The following SCLT1 variants were observed in gnomAD, a reference collection of about 807,000 sequenced individuals.
SCLT1 encodes sodium channel-associated protein 1.
SCLT1 carries 78 observed loss-of-function variants against 112.8 expected under a neutral mutation model. The observed-to-expected ratio is 0.69, with a 90% CI of 0.58 to 0.83. The LOEUF is 0.83. Ranked by LOEUF, SCLT1 falls within the 40% of genes least tolerant of loss-of-function variation. The pLI, the probability that SCLT1 is intolerant of heterozygous loss-of-function variation, is 0.00. For synonymous variants in SCLT1, 257 were observed against 254.7 expected (o/e 1.01, Z -0.09); for missense variants, 747 against 770.4 (o/e 0.97, Z 0.36).
chr4:128,993,546 A>T (rs1452581359), intron 8 of SCLT1, among the ~76,000 whole-genome samples: 2 of 152,120 alleles, frequency 1.3e-5, no homozygotes, highest in Non-Finnish European at 2.9e-5. Context: ...CTTGCTAGCA[A>T]GCCTAGTAAG....
chr4:128,953,178 A>G (rs1738911900), intron 13 of SCLT1, among the ~76,000 whole-genome samples: 1 of 152,236 alleles, frequency 6.6e-6, no homozygotes, highest in Admixed American at 6.5e-5. Flanking sequence ...ACATTTACCT[A>G]CTAATCTCTT....
intron 18 of SCLT1, 36 bp downstream of exon 18, chr4:128,936,619 C>T: frequency 7.5e-7 from 1 of 1,331,600 alleles, no homozygotes; most frequent in Non-Finnish European, 1.0e-6. Context: ...AGAATTTCTT[C>T]TGTAAAACAT....
chr4:128,878,958 A>G (rs556464940), intron 3 of SCLT1, among the ~76,000 whole-genome samples: 50 of 151,344 alleles, frequency 3.3e-4, no homozygotes, highest in African/African-American at 9.9e-4. Flanking sequence ...CCAGTCAGAA[A>G]GGGAATTAAA....
At chr4:128,989,899 A>G (rs1490263930) in intron 9 of SCLT1, among the ~76,000 whole-genome samples, 4 of 151,950 alleles carry the variant, frequency 2.6e-5, no homozygotes, top group Admixed American at 2.0e-4. Context: ...AGATTTAACC[A>G]TGAAGAAATA....
intron 5 of SCLT1, among the ~76,000 whole-genome samples, chr4:129,018,114 C>T (rs1211853242): frequency 6.6e-6 from 1 of 152,266 alleles, no homozygotes; most frequent in African/African-American, 2.4e-5. Context: ...GTTGGCTCTA[C>T]AGCCATACTA....
chr4:128,955,385 C>T (rs1420504131), intron 13 of SCLT1, among the ~76,000 whole-genome samples: 1 of 152,060 alleles, frequency 6.6e-6, no homozygotes, highest in Non-Finnish European at 1.5e-5. Flanking sequence ...TGGCACCAGC[C>T]ATGATTTAAA....
chr4:129,034,979 AC>A (rs1364625603), intron 5 of SCLT1, among the ~76,000 whole-genome samples: 2 of 152,138 alleles, frequency 1.3e-5, no homozygotes, highest in Non-Finnish European at 2.9e-5. Flanking sequence ...AAAACACCCA[AC>A]AAATAAGTGA....
At chr4:129,026,599 G>C (rs1295311122) in intron 5 of SCLT1, among the ~76,000 whole-genome samples, 1 of 152,000 alleles carries the variant, frequency 6.6e-6, no homozygotes, top group Non-Finnish European at 1.5e-5. Flanking sequence ...GAGAAAGCAG[G>C]AAAGATCCAA....
chr4:128,937,902 G>A (rs1271311056), intron 17 of SCLT1, among the ~76,000 whole-genome samples: 1 of 152,086 alleles, frequency 6.6e-6, no homozygotes, highest in African/African-American at 2.4e-5. Flanking sequence ...AATGACTTGC[G>A]TTCTTTCATC....
At chr4:128,933,233 A>C (rs1736915273) in intron 18 of SCLT1, among the ~76,000 whole-genome samples, 1 of 152,168 alleles carries the variant, frequency 6.6e-6, no homozygotes, top group African/African-American at 2.4e-5. Context: ...ACAGTGAACA[A>C]AGGAAAGGTA....
intron 18 of SCLT1, among the ~76,000 whole-genome samples, chr4:128,898,966 T>G (rs1734031753): frequency 6.6e-6 from 1 of 152,178 alleles, no homozygotes; most frequent in Non-Finnish European, 1.5e-5. Context: ...CTCTGAAGAC[T>G]AAACCAGGAA....
chr4:129,023,110 A>C (rs1745644678), intron 5 of SCLT1, among the ~76,000 whole-genome samples: 2 of 152,218 alleles, frequency 1.3e-5, no homozygotes, highest in South Asian at 4.1e-4. Context: ...GTATTTTGTC[A>C]CCACCACATC....
intron 18 of SCLT1, among the ~76,000 whole-genome samples, chr4:128,903,296 C>T (rs368891254): frequency 7.9e-5 from 12 of 151,484 alleles, no homozygotes; most frequent in South Asian, 2.1e-4. Flanking sequence ...ACAGCTATGA[C>T]GTCACTACGC....
Position 129,028,356 on chromosome 4 carries a change from C to A in SCLT1, c.290+10685G>T, listed in dbSNP as rs538258954. Among the ~76,000 whole-genome samples, 3 of 152,154 alleles carry A rather than the reference C, an allele frequency of 2.0e-5. No individual in the cohort carries two copies. The South Asian group carries it at 6.2e-4, about 32-fold the overall frequency. ...ATAGATCAATGGAACAGAACAGAGCCCTCAGAAATAACACCGCATATCTAC... is the reference window on the plus strand; with the variant it reads ...ATAGATCAATGGAACAGAACAGAGCACTCAGAAATAACACCGCATATCTAC... On this transcript the variant is annotated intron_variant, in intron 5 of 20. Transcript: ENST00000281142.
intron 2 of SCLT1, among the ~76,000 whole-genome samples, chr4:129,055,772 G>A (rs1749311840): frequency 6.6e-6 from 1 of 151,964 alleles, no homozygotes; most frequent in Admixed American, 6.6e-5. Flanking sequence ...CCCTTTCCAG[G>A]GGAGTGAGTA....
chr4:128,908,380 T>TAAAAAAAAAA, intron 18 of SCLT1, among the ~76,000 whole-genome samples: 1 of 137,720 alleles, frequency 7.3e-6, no homozygotes, highest in South Asian at 2.3e-4. Flanking sequence ...TCCTGTTAAT[T>TAAAAAAAAAA]AAAAAAAAAA....
chr4:128,970,717 A>G (rs1740620036), intron 9 of SCLT1: 2 of 361,690 alleles, frequency 5.5e-6, no homozygotes, highest in Non-Finnish European at 1.0e-5. Flanking sequence ...TGGGTAAATT[A>G]TATTATATAC....
intron 15 of SCLT1, among the ~76,000 whole-genome samples, chr4:128,947,213 T>G (rs535621890): frequency 2.0e-5 from 3 of 152,206 alleles, no homozygotes; most frequent in Non-Finnish European, 4.4e-5. Context: ...TGTTGTCTTT[T>G]GCCTTGTAAG....
intron 8 of SCLT1, among the ~76,000 whole-genome samples, chr4:128,995,552 T>G (rs1347515891): frequency 1.3e-5 from 2 of 152,108 alleles, no homozygotes; most frequent in African/African-American, 4.8e-5. Flanking sequence ...CAGGCACCTC[T>G]CCCAGTCTTC....
Sources: gnomAD v4.1 joint callset for allele counts (sites outside exome capture counted in the v4.1 genomes callset) on GRCh38, gnomAD v4.1.1 for gene constraint, MANE v1.5 for transcripts, NCBI Gene and HGNC (gene_info 2026-07-23, HGNC 2026-07-21) for gene names.